The following NKD1 variants were observed in gnomAD, a reference collection of about 807,000 sequenced individuals.
The protein encoded by NKD1 is protein naked cuticle homolog 1.
Under a neutral mutation model 56.0 loss-of-function variants are expected in NKD1, and 21 were observed. The ratio of observed to expected loss-of-function variants is 0.38; its 90% CI spans 0.27 to 0.54. The LOEUF is 0.54. Ranked by LOEUF, NKD1 falls within the 20% of genes least tolerant of loss-of-function variation. NKD1 has a pLI of 0.82. For missense variants in NKD1, 578 were observed against 642.7 expected, an observed-to-expected ratio of 0.90 and a Z score of 1.09; for synonymous variants, 263 against 265.7, an observed-to-expected ratio of 0.99 and a Z score of 0.10.
At chr16:50,609,069 C>T (rs988146591) in intron 4 of NKD1, among the ~76,000 whole-genome samples, 1 of 152,258 alleles carries the variant, frequency 6.6e-6, no homozygotes, top group Non-Finnish European at 1.5e-5. Flanking sequence ...GAGTGACCTT[C>T]CCACCTTGGC....
At chr16:50,582,822 C>T (rs1293525669) in intron 3 of NKD1, among the ~76,000 whole-genome samples, 1 of 152,216 alleles carries the variant, frequency 6.6e-6, no homozygotes, top group Non-Finnish European at 1.5e-5. Context: ...GCCTGGCCAA[C>T]ATGGTGAAAC....
At chr16:50,604,390 G>A (rs530187229) in intron 3 of NKD1, among the ~76,000 whole-genome samples, 6 of 152,330 alleles carry the variant, frequency 3.9e-5, no homozygotes, top group Non-Finnish European at 8.8e-5. Context: ...GTCTGTGAGG[G>A]CACCTGGGGT....
At chr16:50,628,605 G>C (rs1962274848) in intron 6 of NKD1, among the ~76,000 whole-genome samples, 1 of 152,210 alleles carries the variant, frequency 6.6e-6, no homozygotes, top group African/African-American at 2.4e-5. Context: ...GAGAATCGGT[G>C]CCCTCCAGTC....
intron 3 of NKD1, among the ~76,000 whole-genome samples, chr16:50,580,269 G>T (rs1961089258): frequency 6.6e-6 from 1 of 152,254 alleles, no homozygotes; most frequent in Non-Finnish European, 1.5e-5. Context: ...CCCCTTGATG[G>T]ACTGGCCATT....
chr16:50,625,364 G>T (rs907825007), intron 5 of NKD1, 121 bp from the exon 6 acceptor site: 83 of 723,216 alleles, frequency 1.1e-4, no homozygotes, highest in Non-Finnish European at 1.4e-4. Flanking sequence ...TCCACTCAAG[G>T]TCTGGGGAGG....
chr16:50,572,329 T>TTGTC (rs1960902725), intron 3 of NKD1, among the ~76,000 whole-genome samples: 1 of 152,190 alleles, frequency 6.6e-6, no homozygotes, highest in Non-Finnish European at 1.5e-5. Context: ...ATATTGTCAT[T>TTGTC]AACTCCTGGG....
Position 50,634,317 on chromosome 16 carries a change from G to A in NKD1, c.*536G>A, listed in dbSNP as rs1962421414. 6.5e-6 allele frequency: 1 copy of A among 152,774 alleles called. No individual in the cohort carries two copies. The allele number at this position is 152,774 out of a possible 1,614,324, so 9.5% of individuals were successfully genotyped here. A position where few individuals can be genotyped will look rare whatever the true frequency, so the allele number is the denominator to read the frequency against. ...GAACGTCTTGCTGTTGTGTTTTTAT[G>A]TCCCAACCTAGAAACCTTAGCTGTC... On this transcript the variant is annotated 3_prime_UTR_variant, in exon 10 of 10. Transcript: ENST00000268459.
chr16:50,626,947 G>A (rs1335716913), intron 6 of NKD1, among the ~76,000 whole-genome samples: 2 of 152,132 alleles, frequency 1.3e-5, no homozygotes, highest in Non-Finnish European at 2.9e-5. Context: ...GGGTCAGGAC[G>A]AGTGTTTTCT....
In NKD1 at chr16:50,644,042, G is replaced by C. The variant is rs1287210931; in HGVS notation, c.*10261G>C. 1 of 152,236 alleles carries C rather than the reference G, an allele frequency of 6.6e-6. No homozygotes were observed. The highest frequency in any genetic ancestry group is 1.5e-5 in the Non-Finnish European group (1 of 68,054). 9.4% of individuals were successfully genotyped at this position (152,236 alleles called of 1,614,324 possible). A position where few individuals can be genotyped will look rare whatever the true frequency, so the allele number is the denominator to read the frequency against. Reference sequence around the variant, plus strand: ...GTGTATAGGATGAGAACTGAACCACGAAAGCAGAGCATCATCTTGTTCGAC... The same window carrying C: ...GTGTATAGGATGAGAACTGAACCACCAAAGCAGAGCATCATCTTGTTCGAC... On this transcript the variant is annotated 3_prime_UTR_variant, in exon 10 of 10. Coordinates refer to ENST00000268459, the MANE Select transcript of NKD1 (RefSeq NM_033119.5).
At chr16:50,581,673 C>T (rs916648301) in intron 3 of NKD1, among the ~76,000 whole-genome samples, 2 of 152,206 alleles carry the variant, frequency 1.3e-5, no homozygotes. Context: ...TGTCTGCTAT[C>T]TGTGGTGGAT....
At chr16:50,580,362 G>A (rs1332069864) in intron 3 of NKD1, among the ~76,000 whole-genome samples, 1 of 152,254 alleles carries the variant, frequency 6.6e-6, no homozygotes, top group African/African-American at 2.4e-5. Context: ...GCTTAGAGCG[G>A]TGCCTTAGCA....
chr16:50,630,885 G>A lies in NKD1; in HGVS notation c.670G>A (p.Glu224Lys). The stretch of plus-strand genomic sequence containing the variant: ...GCCCACTGAGGACCTGCGGAGCTGG[G>A]AGAAGAAGCAGCGAGCCCCGCTCAG... The part of the protein sequence containing the change: ...TKPTEDLRSW[E>K]KKQRAPLRFQ... Residue 224 changes from glutamate to lysine, a missense_variant, in exon 8 of 10, where the codon GAG (glutamate) becomes AAG (lysine). Physicochemically the swap from Glu to Lys is moderately conservative, Grantham distance 56 (BLOSUM62 1). Transcript: ENST00000268459. 6.2e-7 allele frequency: 1 copy of A among 1,604,268 alleles called. No homozygotes were observed. Among genetic ancestry groups the A allele is most frequent in the Non-Finnish European group, 8.5e-7 (1 of 1,175,818 alleles).
intron 3 of NKD1, chr16:50,607,368 A>G (rs1961736283): frequency 6.2e-6 from 1 of 161,836 alleles, no homozygotes; most frequent in African/African-American, 2.4e-5. Context: ...CCCTAAGGAG[A>G]GGGTTGGGTT....
rs570831078 is a variant in NKD1 at position 50,637,062 on chromosome 16, GCT to G, written c.*3282_*3283del. 2.4e-4 allele frequency: 37 copies of G among 152,346 alleles called. 1 individual carries two copies. In the East Asian group the frequency reaches 6.4e-3, roughly 26 times the overall value. The allele number at this position is 152,346 out of a possible 1,614,324, so 9.4% of individuals were successfully genotyped here. A position where few individuals can be genotyped will look rare whatever the true frequency, so the allele number is the denominator to read the frequency against. On this transcript the variant is annotated 3_prime_UTR_variant, in exon 10 of 10. Coordinates refer to ENST00000268459, the MANE Select transcript of NKD1 (RefSeq NM_033119.5). ...TGCTCAGCCTTCTGTGACTAGAGGT[GCT>G]GTCACCAGCTTGCCCCATCCCCTCC...
At chr16:50,617,334 T>C (rs1324339271) in intron 4 of NKD1, among the ~76,000 whole-genome samples, 1 of 151,042 alleles carries the variant, frequency 6.6e-6, no homozygotes, top group East Asian at 1.9e-4. Context: ...AGAGACTGTC[T>C]TTGATCTCAG....
chr16:50,610,860 G>C (rs1053201681), intron 4 of NKD1, among the ~76,000 whole-genome samples: 53 of 152,190 alleles, frequency 3.5e-4, no homozygotes, highest in African/African-American at 1.3e-3. Context: ...TTTTGAACTG[G>C]GGAAAGAACA....
intron 2 of NKD1, chr16:50,548,986 TC>T: frequency 1.7e-6 from 1 of 577,676 alleles, no homozygotes; most frequent in Non-Finnish European, 2.0e-6. Flanking sequence ...CCCTCCCGCG[TC>T]CCTGCCCTCG....
intron 3 of NKD1, among the ~76,000 whole-genome samples, chr16:50,572,480 G>A (rs938948869): frequency 6.6e-6 from 1 of 152,184 alleles, no homozygotes; most frequent in African/African-American, 2.4e-5. Context: ...GAGGGTGGGG[G>A]TAGTTGCTTC....
At chr16:50,621,340 G>A (rs1325958710) in intron 4 of NKD1, among the ~76,000 whole-genome samples, 1 of 152,228 alleles carries the variant, frequency 6.6e-6, no homozygotes, top group Non-Finnish European at 1.5e-5. Flanking sequence ...TGCCTCCATA[G>A]GGCAGAAGTC....
Sources: allele counts gnomAD v4.1 joint callset (sites outside exome capture counted in the v4.1 genomes callset), GRCh38; gene constraint gnomAD v4.1.1; transcripts MANE v1.5; gene names NCBI Gene and HGNC (gene_info 2026-07-23, HGNC 2026-07-21).